DNAJB6: variants seen among roughly 807,000 people sequenced by gnomAD.
DNAJB6 encodes dnaJ homolog subfamily B member 6.
Under a neutral mutation model 42.7 loss-of-function variants are expected in DNAJB6, and 16 were observed. The observed-to-expected ratio is 0.37, with a 90% confidence interval of 0.25 to 0.57. DNAJB6 has a LOEUF of 0.57. DNAJB6 is among the 20% of genes least tolerant of loss of function. The probability of loss-of-function intolerance (pLI) is 0.74; values close to 1 mark genes in which losing one functional copy is unlikely to be tolerated. For missense variants in DNAJB6, 347 were observed against 416.8 expected (o/e 0.83, Z 1.46); for synonymous variants, 170 against 163.5 (o/e 1.04, Z -0.30).
In DNAJB6 at chr7:157,382,389, C is replaced by T; in HGVS notation, c.478+12C>T. On this transcript the variant is annotated intron_variant, in intron 6 of 9. Transcript: ENST00000262177. ...TTCTTTTGATACAGGTATTAAATCCCTAGGTTTAATCTCTGTTATCTTAAC... is the reference window on the plus strand; with the variant it reads ...TTCTTTTGATACAGGTATTAAATCCTTAGGTTTAATCTCTGTTATCTTAAC... 6.2e-7 allele frequency: 1 copy of T among 1,601,984 alleles called. No individual in the cohort carries two copies. The highest frequency in any genetic ancestry group is 8.5e-7 in the Non-Finnish European group (1 of 1,177,128).
chr7:157,399,447 T>G (rs57965547), intron 8 of DNAJB6, among the ~76,000 whole-genome samples: 3,726 of 152,330 alleles, frequency 0.024, 148 homozygotes, highest in East Asian at 0.17. Context: ...GCATTTTCAC[T>G]GCATGTGATC....
chr7:157,413,838 T>G (rs1367660106), intron 9 of DNAJB6: 2 of 149,510 alleles, frequency 1.3e-5, no homozygotes, highest in South Asian at 2.2e-4. Flanking sequence ...TTTTCCTGCC[T>G]CACCTCCCCA....
intron 5 of DNAJB6, chr7:157,381,744 TC>T (rs1333615897): frequency 4.6e-5 from 4 of 87,874 alleles, no homozygotes; most frequent in Admixed American, 1.2e-4. Context: ...ACACCATTCC[TC>T]GTGTGTGTGT....
intron 1 of DNAJB6, among the ~76,000 whole-genome samples, chr7:157,354,525 C>G (rs191574105): frequency 6.6e-6 from 1 of 151,930 alleles, no homozygotes; most frequent in African/African-American, 2.4e-5. Context: ...TCACCCCAAG[C>G]TGGAGTGCTG....
intron 5 of DNAJB6, among the ~76,000 whole-genome samples, chr7:157,376,550 T>G (rs1319311259): frequency 6.6e-6 from 1 of 152,146 alleles, no homozygotes; most frequent in African/African-American, 2.4e-5. Flanking sequence ...CAAGAACATG[T>G]GTCCAAGTGG....
chr7:157,392,883 T>G (rs1011850249), intron 8 of DNAJB6, among the ~76,000 whole-genome samples: 1 of 152,214 alleles, frequency 6.6e-6, no homozygotes, highest in Non-Finnish European at 1.5e-5. Context: ...CTGTGTGTGT[T>G]TTCTGTTCTA....
chr7:157,382,110 G>A, intron 5 of DNAJB6, 136 bp from the exon 6 acceptor site: 1 of 864,100 alleles, frequency 1.2e-6, no homozygotes, highest in Non-Finnish European at 1.7e-6. Flanking sequence ...CTGTAGATAA[G>A]CTCTTTTGTT....
chr7:157,350,097 T>C (rs2116898457), intron 1 of DNAJB6, among the ~76,000 whole-genome samples: 1 of 152,312 alleles, frequency 6.6e-6, no homozygotes, highest in South Asian at 2.1e-4. Context: ...CCGAATTTTA[T>C]TGTTAATTGT....
At chr7:157,338,269 A>G (rs988741963) in intron 1 of DNAJB6, among the ~76,000 whole-genome samples, 2 of 152,016 alleles carry the variant, frequency 1.3e-5, no homozygotes, top group Non-Finnish European at 2.9e-5. Flanking sequence ...AAGGAATTAT[A>G]TGCAGCCGCC....
At chr7:157,407,150 A>G (rs909377993) in intron 8 of DNAJB6, among the ~76,000 whole-genome samples, 10 of 152,224 alleles carry the variant, frequency 6.6e-5, no homozygotes, top group African/African-American at 2.4e-4. Context: ...TTCAACTGGC[A>G]GCGAGACTGG....
intron 9 of DNAJB6, chr7:157,411,835 G>C (rs1395237627): frequency 6.6e-6 from 1 of 152,244 alleles, no homozygotes; most frequent in African/African-American, 2.4e-5. Flanking sequence ...GGGCGGGACT[G>C]ATACGGGCAG....
intron 1 of DNAJB6, among the ~76,000 whole-genome samples, chr7:157,344,843 G>A (rs1230639593): frequency 6.6e-6 from 1 of 152,116 alleles, no homozygotes; most frequent in African/African-American, 2.4e-5. Context: ...GAACTCCTGA[G>A]CTGAAGTGAT....
chr7:157,401,969 C>T (rs563991582), intron 8 of DNAJB6, among the ~76,000 whole-genome samples: 3 of 152,288 alleles, frequency 2.0e-5, no homozygotes, highest in Admixed American at 1.3e-4. Flanking sequence ...CCACAGGCTG[C>T]TTATCTTAGC....
intron 5 of DNAJB6, chr7:157,369,281 T>A (rs1391973225): frequency 4.4e-6 from 2 of 456,566 alleles, no homozygotes; most frequent in African/African-American, 4.0e-5. Flanking sequence ...GAAAAATAAT[T>A]TACGGATTGA....
At chr7:157,358,461 C>A in intron 1 of DNAJB6, 86 bp from the exon 2 acceptor site, 1 of 818,210 alleles carries the variant, frequency 1.2e-6, no homozygotes, top group Non-Finnish European at 2.1e-6. Context: ...TGACACCACC[C>A]CTTCCTCCCT....
intron 7 of DNAJB6, 92 bp from the exon 8 acceptor site, chr7:157,385,449 T>G: frequency 7.6e-7 from 1 of 1,312,578 alleles, no homozygotes; most frequent in Non-Finnish European, 1.1e-6. Context: ...ATATTCATGG[T>G]GTATTTCAGT....
At position 157,357,325 on chromosome 7, in the gene DNAJB6, C is replaced by T. The variant is rs532078945; in HGVS notation, c.-26-1222C>T. ...TTCCTTCCTTCCTTCCTTCCTTCCT[C>T]GTTCCGTCGCCCGGGCTGGAGTCCG... On this transcript the variant is annotated intron_variant, in intron 1 of 9. Coordinates refer to ENST00000262177, the MANE Select transcript of DNAJB6 (RefSeq NM_058246.4). Among the ~76,000 whole-genome samples the T allele has an allele frequency of 4.3e-3, 521 of 120,256 alleles. 132 individuals are homozygous for T. The highest frequency in any genetic ancestry group is 7.0e-3 in the Non-Finnish European group (398 of 56,466). 78.9% of individuals were successfully genotyped at this position (120,256 alleles called of 152,430 possible). A position where few individuals can be genotyped will look rare whatever the true frequency, so the allele number is the denominator to read the frequency against.
At chr7:157,404,781 T>C (rs1320918192) in intron 8 of DNAJB6, among the ~76,000 whole-genome samples, 3 of 152,158 alleles carry the variant, frequency 2.0e-5, no homozygotes, top group African/African-American at 4.8e-5. Context: ...GCTGGGATTA[T>C]AGGCGTGAGC....
intron 8 of DNAJB6, among the ~76,000 whole-genome samples, chr7:157,404,516 C>CTT (rs1203774806): frequency 4.0e-5 from 3 of 74,238 alleles, no homozygotes; most frequent in Non-Finnish European, 6.4e-5. Flanking sequence ...TTTTTCTTTT[C>CTT]TTTTTTTTTT....
Sources: gnomAD v4.1 joint callset for allele counts (sites outside exome capture counted in the v4.1 genomes callset) on GRCh38, gnomAD v4.1.1 for gene constraint, MANE v1.5 for transcripts, NCBI Gene and HGNC (gene_info 2026-07-23, HGNC 2026-07-21) for gene names.